The following AFAP1L1 variants were observed in gnomAD, a reference collection of about 807,000 sequenced individuals.
AFAP1L1 encodes actin filament associated protein 1 like 1.
A neutral mutation model predicts 99.8 loss-of-function variants in AFAP1L1; 77 were observed. The ratio of observed to expected loss-of-function variants is 0.77; its 90% CI spans 0.64 to 0.93. The LOEUF (loss-of-function observed/expected upper bound fraction) is 0.93. Ranked by LOEUF, AFAP1L1 falls within the 40% of genes least tolerant of loss-of-function variation. The pLI is 0.00. For synonymous variants in AFAP1L1, 373 were observed against 395.3 expected, an observed-to-expected ratio of 0.94 and a Z score of 0.67; for missense variants, 893 against 996.8, an observed-to-expected ratio of 0.90 and a Z score of 1.40.
In AFAP1L1 at chr5:149,307,502, G is replaced by A; in HGVS notation, c.636G>A (p.Glu212=). The A allele has an allele frequency of 1.2e-6, 2 of 1,614,164 alleles. No homozygotes were observed. The highest frequency in any genetic ancestry group is 1.7e-6 in the Non-Finnish European group (2 of 1,180,034). The change falls in exon 7 of 19, where the codon GAG becomes GAA. Residue 212 remains glutamate (E), a synonymous_variant. Coordinates refer to ENST00000296721, the MANE Select transcript of AFAP1L1 (RefSeq NM_152406.4). ...PQPRHQWPSE[E]ASMHLVRECR... ...CCCGACACCAGTGGCCCTCAGAGGAGGCCTCCATGCACCTGGTGAGGGAAT... is the reference window on the plus strand; with the variant it reads ...CCCGACACCAGTGGCCCTCAGAGGAAGCCTCCATGCACCTGGTGAGGGAAT...
rs531034336 is a variant in AFAP1L1 at position 149,293,309 on chromosome 5, A to G, written c.17-6200A>G. Among the ~76,000 whole-genome samples the G allele has an allele frequency of 1.9e-4, 29 of 152,356 alleles. No homozygotes were observed. The Middle Eastern group carries it at 0.024, about 125-fold the overall frequency. ...GTTTAGAAATTTCCCCCAGAGGCCCACAGCTAGAAAATGACAGAGCTGGGA... is the reference window on the plus strand; with the variant it reads ...GTTTAGAAATTTCCCCCAGAGGCCCGCAGCTAGAAAATGACAGAGCTGGGA... On this transcript the variant is annotated intron_variant, in intron 1 of 18. Transcript: ENST00000296721.
chr5:149,332,090 C>G (rs573233449), intron 16 of AFAP1L1, among the ~76,000 whole-genome samples: 24 of 152,306 alleles, frequency 1.6e-4, no homozygotes, highest in Admixed American at 7.8e-4. Flanking sequence ...CAGCCCCACT[C>G]AAACTAAAGA....
chr5:149,278,080 G>T (rs563053511), intron 1 of AFAP1L1, among the ~76,000 whole-genome samples: 1 of 152,022 alleles, frequency 6.6e-6, no homozygotes, highest in South Asian at 2.1e-4. Context: ...AGAACATATC[G>T]TTACTCCATT....
chr5:149,331,002 A>T (rs1402673367), intron 16 of AFAP1L1, among the ~76,000 whole-genome samples: 1 of 151,988 alleles, frequency 6.6e-6, no homozygotes, highest in Non-Finnish European at 1.5e-5. Flanking sequence ...GTGAATGGTG[A>T]ATATAAAGAG....
At position 149,329,754 on chromosome 5, in the gene AFAP1L1, A is replaced by G; in HGVS notation, c.1899A>G (p.Lys633=). Residue 633 remains lysine, a synonymous_variant, in exon 16 of 19, where the codon AAA becomes AAG. Transcript: ENST00000296721. ...LVEKEKLEKE[K]ETIRTELIAL... is the part of the protein sequence containing the mutation. The stretch of plus-strand genomic sequence containing the variant: ...AAAAAGAGAAGCTGGAGAAAGAGAA[A>G]GAGACGATTCGGACAGAGCTGATAG... 6.2e-7 allele frequency: 1 copy of G among 1,614,120 alleles called. No homozygotes were observed. The highest frequency in any genetic ancestry group is 8.5e-7 in the Non-Finnish European group (1 of 1,180,016).
chr5:149,335,780 A>T, intron 18 of AFAP1L1, 58 bp downstream of exon 18: 2 of 1,581,994 alleles, frequency 1.3e-6, no homozygotes, highest in Non-Finnish European at 1.7e-6. Flanking sequence ...CTTTCTATGG[A>T]ACTTCACCCA....
chr5:149,292,125 C>T (rs995865564), intron 1 of AFAP1L1, among the ~76,000 whole-genome samples: 5 of 152,244 alleles, frequency 3.3e-5, no homozygotes, highest in African/African-American at 1.2e-4. Context: ...CTGAAAGGTA[C>T]ACAGGAATGA....
intron 9 of AFAP1L1, among the ~76,000 whole-genome samples, chr5:149,315,138 G>C (rs1756757473): frequency 6.6e-6 from 1 of 152,148 alleles, no homozygotes; most frequent in African/African-American, 2.4e-5. Flanking sequence ...TTGTATGAAT[G>C]AATCGATGAA....
chr5:149,314,120 G>T (rs1756723645), intron 9 of AFAP1L1, among the ~76,000 whole-genome samples: 1 of 152,186 alleles, frequency 6.6e-6, no homozygotes, highest in Non-Finnish European at 1.5e-5. Context: ...CCAAGGGGAG[G>T]GAACAGAAGC....
intron 5 of AFAP1L1, among the ~76,000 whole-genome samples, chr5:149,304,866 A>G (rs1756355643): frequency 6.6e-6 from 1 of 152,202 alleles, no homozygotes. Flanking sequence ...CGTCTTCAGG[A>G]AACAGATGCA....
At chr5:149,305,521 C>T (rs1409478912) in intron 5 of AFAP1L1, among the ~76,000 whole-genome samples, 1 of 152,084 alleles carries the variant, frequency 6.6e-6, no homozygotes, top group African/African-American at 2.4e-5. Context: ...TCCAATGAAC[C>T]AGAATCTCTG....
At chr5:149,335,556 C>T in intron 17 of AFAP1L1, 38 bp from the exon 18 acceptor site, 1 of 1,602,522 alleles carries the variant, frequency 6.2e-7, no homozygotes, top group Non-Finnish European at 8.5e-7. Context: ...TAGCCATCAC[C>T]AGATCTCACC....
chr5:149,287,377 G>A (rs537728185), intron 1 of AFAP1L1, among the ~76,000 whole-genome samples: 7 of 152,034 alleles, frequency 4.6e-5, no homozygotes, highest in Non-Finnish European at 7.4e-5. Context: ...GCAGGAGGGC[G>A]GGATCATAAA....
intron 1 of AFAP1L1, among the ~76,000 whole-genome samples, chr5:149,294,465 T>C (rs1418320217): frequency 6.6e-6 from 1 of 152,244 alleles, no homozygotes; most frequent in Non-Finnish European, 1.5e-5. Flanking sequence ...GATTGAAAGC[T>C]AGCTTCTTAG....
chr5:149,275,187 C>T (rs1755273369), intron 1 of AFAP1L1, among the ~76,000 whole-genome samples: 1 of 152,244 alleles, frequency 6.6e-6, no homozygotes, highest in African/African-American at 2.4e-5. Flanking sequence ...CTGGGACTAT[C>T]ATGAATCATA....
chr5:149,275,346 T>C (rs1252591773), intron 1 of AFAP1L1, among the ~76,000 whole-genome samples: 2 of 152,198 alleles, frequency 1.3e-5, no homozygotes. Flanking sequence ...TCAGGGTTAG[T>C]GTCGGGTGGG....
At chr5:149,275,851 C>A (rs185262934) in intron 1 of AFAP1L1, among the ~76,000 whole-genome samples, 1 of 152,280 alleles carries the variant, frequency 6.6e-6, no homozygotes, top group African/African-American at 2.4e-5. Flanking sequence ...ATTAGAGCTC[C>A]ACCCTTGCAA....
intron 1 of AFAP1L1, among the ~76,000 whole-genome samples, chr5:149,289,007 C>G (rs1755768920): frequency 6.6e-6 from 1 of 152,226 alleles, no homozygotes; most frequent in Non-Finnish European, 1.5e-5. Context: ...GAATGGTACT[C>G]TACCATCTCT....
chr5:149,300,345 G>C lies in AFAP1L1; in HGVS notation c.220G>C (p.Glu74Gln). 6.2e-7 allele frequency: 1 copy of C among 1,612,846 alleles called. No homozygotes were observed. The highest frequency in any genetic ancestry group is 8.5e-7 in the Non-Finnish European group (1 of 1,179,394). The change falls in exon 3 of 19, where the codon GAA becomes CAA. Residue 74 changes from glutamate to glutamine, a missense_variant. By Grantham distance (29) the Glu-to-Gln change is conservative (BLOSUM62 2). Transcript: ENST00000296721. ...SGPSFVESLF[E>Q]EFDCDLSDLR... is the part of the protein sequence containing the mutation. ...GCCCAGCTTCGTGGAATCCCTCTTT[G>C]AAGAATTTGGTAAGTGACCCTCTCC...
Sources: gnomAD v4.1 joint callset for allele counts (sites outside exome capture counted in the v4.1 genomes callset) on GRCh38, gnomAD v4.1.1 for gene constraint, MANE v1.5 for transcripts, NCBI Gene and HGNC (gene_info 2026-07-23, HGNC 2026-07-21) for gene names.